Variants in EIF1 observed in about 807,000 individuals in gnomAD.
The protein encoded by EIF1 is eukaryotic translation initiation factor 1.
EIF1 carries 4 observed loss-of-function variants against 13.7 expected under a neutral mutation model. That is an observed-to-expected ratio of 0.29 (90% CI 0.14 to 0.67). The LOEUF is 0.67. Among genes scored for constraint, EIF1 ranks in the 30% least tolerant of loss-of-function variants. EIF1 has a pLI of 0.77. For synonymous variants in EIF1, 67 were observed against 50.7 expected, an observed-to-expected ratio of 1.32 and a Z score of -1.37; for missense variants, 64 against 138.0, an observed-to-expected ratio of 0.46 and a Z score of 2.69.
rs1368575271 is a variant in EIF1 at position 41,691,150 on chromosome 17, C to G, written c.*324C>G. ...AACTATGGCCGGAACCTCCTCAGCT[C>G]TCCCTCTGCAGAGTTCCCTACCCTA... On this transcript the variant is annotated 3_prime_UTR_variant, in exon 4 of 4. Transcript: ENST00000469257. 1.6e-5 allele frequency: 8 copies of G among 515,836 alleles called. No individual in the cohort carries two copies. Among genetic ancestry groups the G allele is most frequent in the Non-Finnish European group, 2.4e-5 (7 of 289,074 alleles). 32.0% of individuals were successfully genotyped at this position (515,836 alleles called of 1,614,324 possible).
At chr17:41,689,329 C>G in intron 1 of EIF1, 1 of 582,448 alleles carries the variant, frequency 1.7e-6, no homozygotes, top group Non-Finnish European at 3.0e-6. Flanking sequence ...TCCTGGGCCT[C>G]CTCGGGCCAC....
intron 1 of EIF1, 136 bp downstream of exon 1, chr17:41,689,205 C>T (rs1216340522): frequency 1.5e-5 from 16 of 1,049,420 alleles, no homozygotes; most frequent in Non-Finnish European, 1.6e-5. Flanking sequence ...GGTCGCAGGG[C>T]AGCGGGATCA....
intron 3 of EIF1, 122 bp from the exon 4 acceptor site, chr17:41,690,660 A>G (rs1910348552): frequency 7.8e-6 from 8 of 1,031,096 alleles, no homozygotes; most frequent in African/African-American, 1.6e-5. Flanking sequence ...CTGTTGAACC[A>G]TTGTGCGCAC....
rs536909744 is a variant in EIF1 at position 41,692,143 on chromosome 17, A to G, written c.*1317A>G. The G allele has an allele frequency of 6.6e-6, 1 of 152,312 alleles. No individual in the cohort carries two copies. The highest frequency in any genetic ancestry group is 2.1e-4 in the South Asian group (1 of 4,832). 9.4% of individuals were successfully genotyped at this position (152,312 alleles called of 1,614,324 possible). On this transcript the variant is annotated 3_prime_UTR_variant, in exon 4 of 4. Transcript: ENST00000469257. ...TTAGCCAGAGTCATGCTGTGCTGTT[A>G]ATCAGTGTCCTGGAGAATGGGTTGC...
intron 1 of EIF1, chr17:41,689,383 C>T (rs1910299894): frequency 3.8e-6 from 2 of 532,532 alleles, no homozygotes; most frequent in Non-Finnish European, 6.7e-6. Flanking sequence ...GTTACGTCAC[C>T]ACCCGTTGTC....
chr17:41,689,295 C>T lies in EIF1; in HGVS notation c.31+226C>T, dbSNP rs760077083. On this transcript the variant is annotated intron_variant, in intron 1 of 3. Transcript: ENST00000469257. ...GTCAGCCCTTGGGCGGGCCCGGCGT[C>T]TCAGTGGCGCATTTACTAATGGCTC... 5.9e-4 allele frequency: 358 copies of T among 603,450 alleles called. 1 individual carries two copies. In the Middle Eastern group the frequency reaches 0.015, roughly 25 times the overall value. 37.4% of individuals were successfully genotyped at this position (603,450 alleles called of 1,614,324 possible).
chr17:41,689,952 A>T lies in EIF1; in HGVS notation c.195+11A>T. The T allele has an allele frequency of 3.1e-6, 5 of 1,609,936 alleles. No homozygotes were observed. Among genetic ancestry groups the T allele is most frequent in the Non-Finnish European group, 2.5e-6 (3 of 1,177,482 alleles). Reference sequence around the variant, plus strand: ...AAGGCGTTTAAGAAAGTAGGTCTTCAGTGAGATTTTGGGAAAGTCATAATG... The same window carrying T: ...AAGGCGTTTAAGAAAGTAGGTCTTCTGTGAGATTTTGGGAAAGTCATAATG... On this transcript the variant is annotated intron_variant, in intron 2 of 3. Coordinates refer to ENST00000469257, the MANE Select transcript of EIF1 (RefSeq NM_005801.4).
chr17:41,689,160 G>C, intron 1 of EIF1, 91 bp downstream of exon 1: 2 of 1,417,624 alleles, frequency 1.4e-6, no homozygotes, highest in Non-Finnish European at 2.0e-6. Flanking sequence ...AGCGCTCCGG[G>C]CCTTCGTAAG....
In EIF1 at chr17:41,689,007, C is replaced by T. The variant is rs373031275; in HGVS notation, c.-32C>T. ...CACCGCCGCCGCCGCCTTCCGCAGG[C>T]CGTTTCCACCGAGGAAAAGGAATCG... is the stretch of plus-strand genomic sequence containing the variant. On this transcript the variant is annotated 5_prime_UTR_variant, in exon 1 of 4. Coordinates refer to ENST00000469257, the MANE Select transcript of EIF1 (RefSeq NM_005801.4). 1 of 1,612,658 alleles carries T rather than the reference C, an allele frequency of 6.2e-7. No homozygotes were observed. Among genetic ancestry groups the T allele is most frequent in the African/African-American group, 1.3e-5 (1 of 75,050 alleles).
At chr17:41,689,397 G>A in intron 1 of EIF1, 2 of 521,732 alleles carry the variant, frequency 3.8e-6, no homozygotes, top group Non-Finnish European at 6.8e-6. Context: ...CGTTGTCACG[G>A]ATCCGGAGGG....
chr17:41,691,996 A>G lies in EIF1; in HGVS notation c.*1170A>G, dbSNP rs1340897798. 6.6e-6 allele frequency: 1 copy of G among 152,230 alleles called. No individual in the cohort carries two copies. The highest frequency in any genetic ancestry group is 2.4e-5 in the African/African-American group (1 of 41,446). 9.4% of individuals were successfully genotyped at this position (152,230 alleles called of 1,614,324 possible). The stretch of plus-strand genomic sequence containing the variant: ...TTTTTAGTAGAGACAGGGTTTCTCC[A>G]TGTTGGCCAGGCTGGTCTTGAACAC... On this transcript the variant is annotated 3_prime_UTR_variant, in exon 4 of 4. Transcript: ENST00000469257.
rs543626510 is a variant in EIF1 at position 41,691,573 on chromosome 17, T to G, written c.*747T>G. ...AGTAACAAACTGGTTTTTGGTTTTTTTTTCCCCTTCAGTTTTAATGTTATG... is the reference window on the plus strand; with the variant it reads ...AGTAACAAACTGGTTTTTGGTTTTTGTTTCCCCTTCAGTTTTAATGTTATG... On this transcript the variant is annotated 3_prime_UTR_variant, in exon 4 of 4. Transcript: ENST00000469257. 3.3e-5 allele frequency: 5 copies of G among 152,808 alleles called. No individual in the cohort carries two copies. In the South Asian group the frequency reaches 1.0e-3, roughly 32 times the overall value. The allele number at this position is 152,808 out of a possible 1,614,324, so 9.5% of individuals were successfully genotyped here.
chr17:41,689,606 C>T, intron 1 of EIF1, 172 bp from the exon 2 acceptor site: 1 of 577,454 alleles, frequency 1.7e-6, no homozygotes. Flanking sequence ...GGGAAGCTGG[C>T]CGTCCCGGAC....
At chr17:41,689,524 G>A in intron 1 of EIF1, 1 of 479,376 alleles carries the variant, frequency 2.1e-6, no homozygotes, top group Non-Finnish European at 3.7e-6. Flanking sequence ...GCACCGCCTG[G>A]CAGCCCGGAC....
chr17:41,689,074 G>C lies in EIF1; in HGVS notation c.31+5G>C, dbSNP rs1277282588. 3 of 1,613,690 alleles carry C rather than the reference G, an allele frequency of 1.9e-6. No homozygotes were observed. Among genetic ancestry groups the C allele is most frequent in the Non-Finnish European group, 2.5e-6 (3 of 1,179,904 alleles). On this transcript the variant is annotated splice_donor_5th_base_variant and intron_variant, in intron 1 of 3. Transcript: ENST00000469257. ...TCCAGAACCTCCACTCTTTCGGTAA[G>C]CTATGGGAAAGGTCGCGGGCCCGGG... is the stretch of plus-strand genomic sequence containing the variant.
rs149009383 is a variant in EIF1 at position 41,689,932 on chromosome 17, G to A, written c.186G>A (p.Ala62=). 4.7e-4 allele frequency: 755 copies of A among 1,610,088 alleles called. 2 individuals carry two copies. The highest frequency in any genetic ancestry group is 1.5e-3 in the Middle Eastern group (9 of 6,050). The change falls in exon 2 of 4, where the codon GCG becomes GCA. Residue 62 remains alanine (A), a synonymous_variant. Transcript: ENST00000469257. Reference sequence around the variant, plus strand: ...ACGATAAAAAGAAACTAGTGAAGGCGTTTAAGAAAGTAGGTCTTCAGTGAG... The same window carrying A: ...ACGATAAAAAGAAACTAGTGAAGGCATTTAAGAAAGTAGGTCTTCAGTGAG... ...DDYDKKKLVK[A]FKKKFACNGT...
Position 41,690,147 on chromosome 17 carries a change from A to G in EIF1, c.255A>G (p.Leu85=), listed in dbSNP as rs549518703. ...CGGAATATGGAGAAGTAATTCAGCT[A>G]CAGGGTGACCAACGCAAGAACATAT... is the stretch of plus-strand genomic sequence containing the variant. The part of the protein sequence containing the change: ...EHPEYGEVIQ[L]QGDQRKNICQ... The change falls in exon 3 of 4, where the codon CTA becomes CTG. Residue 85 remains leucine (L), a synonymous_variant. Coordinates refer to ENST00000469257, the MANE Select transcript of EIF1 (RefSeq NM_005801.4). 2 of 1,614,198 alleles carry G rather than the reference A, an allele frequency of 1.2e-6. No homozygotes were observed. Among genetic ancestry groups the G allele is most frequent in the East Asian group, 2.2e-5 (1 of 44,884 alleles).
In EIF1 at chr17:41,689,958, A is replaced by AT; in HGVS notation, c.195+21dup. 1 of 1,609,900 alleles carries AT rather than the reference A, an allele frequency of 6.2e-7. No individual in the cohort carries two copies. Among genetic ancestry groups the AT allele is most frequent in the South Asian group, 1.1e-5 (1 of 90,706 alleles). Reference sequence around the variant, plus strand: ...TTTAAGAAAGTAGGTCTTCAGTGAGATTTTGGGAAAGTCATAATGGATTTG... The same window carrying AT: ...TTTAAGAAAGTAGGTCTTCAGTGAGATTTTTGGGAAAGTCATAATGGATTTG... On this transcript the variant is annotated intron_variant, in intron 2 of 3. Coordinates refer to ENST00000469257, the MANE Select transcript of EIF1 (RefSeq NM_005801.4).
rs891654717 is a variant in EIF1, at chr17:41,690,903, G to A, written c.*77G>A. 11 of 1,544,542 alleles carry A rather than the reference G, an allele frequency of 7.1e-6. No individual in the cohort carries two copies. In the African/African-American group the frequency reaches 1.4e-4, roughly 19 times the overall value. The stretch of plus-strand genomic sequence containing the variant: ...ATTTCCCTTCTCTCCCTTGTCACAG[G>A]TTTAAAAACCTCACAGCTTGTATAA... On this transcript the variant is annotated 3_prime_UTR_variant, in exon 4 of 4. Transcript: ENST00000469257.
Sources: gnomAD v4.1 joint callset for allele counts on GRCh38, gnomAD v4.1.1 for gene constraint, MANE v1.5 for transcripts, NCBI Gene and HGNC (gene_info 2026-07-23, HGNC 2026-07-21) for gene names.